Variants in FADS2 observed in about 807,000 individuals in gnomAD.
FADS2 encodes the protein fatty acid desaturase 2, also known as acyl-CoA 6-desaturase.
Under a neutral mutation model 61.2 loss-of-function variants are expected in FADS2, and 18 were observed. The observed-to-expected ratio is 0.29, with a 90% CI of 0.20 to 0.44. FADS2 has a LOEUF of 0.44. FADS2 is among the 20% of genes least tolerant of loss of function. The probability of loss-of-function intolerance (pLI) is 1.00; values close to 1 mark genes in which losing one functional copy is unlikely to be tolerated. For missense variants in FADS2, 322 were observed against 572.7 expected (o/e 0.56, Z 4.47); for synonymous variants, 203 against 223.9 (o/e 0.91, Z 0.83).
rs554892280 is a variant in FADS2 at position 61,866,100 on chromosome 11, G to C, written c.*411G>C. ...GCATCACCCCCGCTTTGGTTCTTCA[G>C]ATGCTCTTGGGGTTCATAGGGGCAG... On this transcript the variant is annotated 3_prime_UTR_variant, in exon 12 of 12. Coordinates refer to ENST00000278840, the MANE Select transcript of FADS2 (RefSeq NM_004265.4). The C allele has an allele frequency of 2.5e-6, 1 of 404,244 alleles. No individual in the cohort carries two copies. Among genetic ancestry groups the C allele is most frequent in the African/African-American group, 2.0e-5 (1 of 49,026 alleles). 25.0% of individuals were successfully genotyped at this position (404,244 alleles called of 1,614,324 possible). A position where few individuals can be genotyped will look rare whatever the true frequency, so the allele number is the denominator to read the frequency against.
intron 7 of FADS2, 26 bp downstream of exon 7, chr11:61,857,556 G>T (rs1231333332): frequency 1.3e-6 from 2 of 1,596,370 alleles, no homozygotes; most frequent in South Asian, 2.2e-5. Flanking sequence ...AGCTGGCTTG[G>T]CATGGGGAGG....
At chr11:61,819,302 G>A (rs1441350336) in intron 1 of FADS2, among the ~76,000 whole-genome samples, 2 of 152,352 alleles carry the variant, frequency 1.3e-5, no homozygotes, top group Admixed American at 6.5e-5. Context: ...TAGGTCAGGC[G>A]GGGTGCCTCA....
chr11:61,863,220 G>A (rs892062242), intron 8 of FADS2, 62 bp from the exon 9 acceptor site: 2 of 1,481,860 alleles, frequency 1.3e-6, no homozygotes, highest in Admixed American at 3.3e-5. Flanking sequence ...TGGGAGAGTG[G>A]ATCTGTTCCC....
upstream of FADS2, among the ~76,000 whole-genome samples, chr11:61,824,459 GGAGAGAGA>G (rs1157000186): frequency 3.1e-3 from 18 of 5,862 alleles, no homozygotes; most frequent in African/African-American, 8.2e-3. Flanking sequence ...AGGGAGGGAG[GGAGAGAGA>G]GAGAGAGAGA....
chr11:61,850,899 C>T (rs2067301588), intron 5 of FADS2, among the ~76,000 whole-genome samples: 1 of 152,176 alleles, frequency 6.6e-6, no homozygotes, highest in South Asian at 2.1e-4. Context: ...AGGAGACAGC[C>T]TGGCTCCCCA....
At chr11:61,825,589 G>A (rs2067077751), upstream of FADS2, among the ~76,000 whole-genome samples, 2 of 150,028 alleles carry the variant, frequency 1.3e-5, no homozygotes, top group Admixed American at 6.7e-5. Flanking sequence ...CTGCACTCCA[G>A]CCTGGGCGAC....
At position 61,816,537 on chromosome 11, in the gene FADS2, C is replaced by T. The variant is rs1177864969; in HGVS notation, c.141+111C>T. The T allele has an allele frequency of 3.1e-6, 5 of 1,598,292 alleles. No individual in the cohort carries two copies. The highest frequency in any genetic ancestry group is 1.7e-5 in the Admixed American group (1 of 57,474). ...TCCGGTCCCGCCCTCTCCTGTGCCC[C>T]CGCCTGGCTGCGCTCACCGTGGCAT... On this transcript the variant is annotated intron_variant, in intron 1 of 11. Coordinates refer to the FADS2 transcript ENST00000257261. This position sits in a 1 kb window ranked among gnomAD's most constrained non-coding sequence, Gnocchi z 7.0.
intron 1 of FADS2, among the ~76,000 whole-genome samples, chr11:61,819,300 G>T (rs1318470841): frequency 1.3e-5 from 2 of 152,238 alleles, no homozygotes; most frequent in African/African-American, 4.8e-5. Flanking sequence ...TATAGGTCAG[G>T]CGGGGTGCCT....
intron 1 of FADS2, among the ~76,000 whole-genome samples, chr11:61,833,479 A>C (rs2135956501): frequency 6.6e-6 from 1 of 152,356 alleles, no homozygotes; most frequent in South Asian, 2.1e-4. Context: ...ACTCATGTTG[A>C]GGGAAGCCTT....
At position 61,862,969 on chromosome 11, in the gene FADS2, C is replaced by T. The variant is rs1324757702; in HGVS notation, c.883-3C>T. 2 of 1,613,912 alleles carry T rather than the reference C, an allele frequency of 1.2e-6. No individual in the cohort carries two copies. Among genetic ancestry groups the T allele is most frequent in the South Asian group, 1.1e-5 (1 of 91,084 alleles). ...TTGCACCTAACTTCATCTTTCCCCG[C>T]AGGACCTGGCCTGGGCCGTCAGCTA... On this transcript the variant is annotated splice_region_variant and splice_polypyrimidine_tract_variant and intron_variant, in intron 7 of 11. Transcript: ENST00000278840.
At chr11:61,860,428 T>G (rs1235714057) in intron 7 of FADS2, among the ~76,000 whole-genome samples, 1 of 152,234 alleles carries the variant, frequency 6.6e-6, no homozygotes, top group Non-Finnish European at 1.5e-5. Context: ...GCTCCCACGC[T>G]TCACCCTCCT....
intron 1 of FADS2, among the ~76,000 whole-genome samples, chr11:61,832,519 C>T (rs11230803): frequency 0.012 from 1,807 of 152,320 alleles, 24 homozygotes; most frequent in Non-Finnish European, 0.018. Context: ...TTTGTAGGGG[C>T]CTGTCTCCTG....
intron 1 of FADS2, among the ~76,000 whole-genome samples, chr11:61,834,985 C>A (rs1363721181): frequency 1.6e-5 from 2 of 127,894 alleles, no homozygotes; most frequent in Admixed American, 9.3e-5. Flanking sequence ...CTGCCTGCCC[C>A]CCCACCCCAG....
chr11:61,863,597 T>A lies in FADS2; in HGVS notation c.1078-110T>A, dbSNP rs79675206. The stretch of plus-strand genomic sequence containing the variant: ...GCTGAGGCCATCAGGCAGGACGGTA[T>A]GATGTGGACGGGTGGCCTGGAGACC... On this transcript the variant is annotated intron_variant, in intron 9 of 11. Transcript: ENST00000278840. 8.9e-3 allele frequency: 8,206 copies of A among 917,210 alleles called. 248 individuals are homozygous for A. The highest frequency in any genetic ancestry group is 0.052 in the African/African-American group (3,151 of 61,000). The allele number at this position is 917,210 out of a possible 1,614,324, so 56.8% of individuals were successfully genotyped here. A position where few individuals can be genotyped will look rare whatever the true frequency, so the allele number is the denominator to read the frequency against.
upstream of FADS2, chr11:61,826,053 C>T (rs2067082311): frequency 1.4e-6 from 1 of 702,494 alleles, no homozygotes; most frequent in Non-Finnish European, 2.6e-6. Flanking sequence ...CATCCCAGTC[C>T]AGCCCCAGCC....
chr11:61,860,696 A>T (rs1267878379), intron 7 of FADS2, among the ~76,000 whole-genome samples: 1 of 151,676 alleles, frequency 6.6e-6, no homozygotes, highest in Non-Finnish European at 1.5e-5. Context: ...GGTGGGAGGG[A>T]TCACCTGAAG....
intron 7 of FADS2, among the ~76,000 whole-genome samples, chr11:61,858,091 G>A (rs763306407): frequency 5.9e-5 from 9 of 152,184 alleles, no homozygotes; most frequent in Non-Finnish European, 1.2e-4. Flanking sequence ...CTCATCGGCT[G>A]GTTGATGGCT....
rs574504612 is a variant in FADS2 at position 61,844,592 on chromosome 11, G to C, written c.619-3567G>C. Among the ~76,000 whole-genome samples the C allele has an allele frequency of 3.3e-5, 5 of 151,544 alleles. No individual in the cohort carries two copies. In the East Asian group the frequency reaches 5.9e-4, roughly 18 times the overall value. ...TAAAAATTATTTAAGCTAATCGCTT[G>C]GTTGACAGAAACCATCAAACTCAGC... is the stretch of plus-strand genomic sequence containing the variant. On this transcript the variant is annotated intron_variant, in intron 4 of 11. Coordinates refer to ENST00000278840, the MANE Select transcript of FADS2 (RefSeq NM_004265.4).
chr11:61,828,914 A>G lies in FADS2; in HGVS notation c.207+317A>G, dbSNP rs2067104827. On this transcript the variant is annotated intron_variant, in intron 1 of 11. Coordinates refer to ENST00000278840, the MANE Select transcript of FADS2 (RefSeq NM_004265.4). This position sits in a 1 kb window ranked among gnomAD's most constrained non-coding sequence, Gnocchi z 6.4. ...CCTTCCTCGGGGTTTGTCTGGAGGC[A>G]GGGACTCCCCAAGAGGGGCGCTCGG... is the stretch of plus-strand genomic sequence containing the variant. 1.3e-5 allele frequency among the ~76,000 whole-genome samples: 2 copies of G among 152,196 alleles called. No homozygotes were observed. Among genetic ancestry groups the G allele is most frequent in the South Asian group, 4.1e-4 (2 of 4,834 alleles).
Sources: gnomAD v4.1 joint callset for allele counts (sites outside exome capture counted in the v4.1 genomes callset) on GRCh38, gnomAD v4.1.1 for gene constraint, Gnocchi (gnomAD v3.1) non-coding constraint, MANE v1.5 for transcripts, NCBI Gene and HGNC (gene_info 2026-07-23, HGNC 2026-07-21) for gene names.